Variants in TP73 observed in about 807,000 individuals in gnomAD.
The protein encoded by TP73 is tumor protein p73.
In TP73, 25 loss-of-function variants were observed where a neutral mutation model predicts 62.5. That is an observed-to-expected ratio of 0.40 (90% CI 0.29 to 0.56). The LOEUF (loss-of-function observed/expected upper bound fraction) is 0.56, where lower values mean the gene tolerates loss of function less well. Among genes scored for constraint, TP73 ranks in the 20% least tolerant of loss-of-function variants. The pLI is 0.46. For synonymous variants in TP73, 423 were observed against 377.5 expected, an observed-to-expected ratio of 1.12 and a Z score of -1.40; for missense variants, 754 against 913.3, an observed-to-expected ratio of 0.83 and a Z score of 2.25.
chr1:3,719,890 TTGTGTGTGTGTGTGTGTGTGTGTG>T (rs5772122), intron 4 of TP73, among the ~76,000 whole-genome samples: 1 of 132,146 alleles, frequency 7.6e-6, no homozygotes, highest in Non-Finnish European at 1.6e-5. Context: ...TTTTTTCTCT[TTGTGTGTGTGTGTGTGTGTGTGTG>T]TGTGTGTGTG....
At chr1:3,667,925 C>T (rs958042893) in intron 1 of TP73, among the ~76,000 whole-genome samples, 2 of 152,146 alleles carry the variant, frequency 1.3e-5, no homozygotes, top group African/African-American at 4.8e-5. Context: ...CCTTGAACTC[C>T]CCCTTCAGTG....
rs189841571 is a variant in TP73 at position 3,668,363 on chromosome 1, A to G, written c.-33-13970A>G. Among the ~76,000 whole-genome samples the G allele has an allele frequency of 4.6e-5, 7 of 152,256 alleles. No individual in the cohort carries two copies. In the South Asian group the frequency reaches 1.0e-3, roughly 23 times the overall value. On this transcript the variant is annotated intron_variant, in intron 1 of 13. Transcript: ENST00000378295. The stretch of plus-strand genomic sequence containing the variant: ...GTGCTGTCCACTCCGTGCTGCTGCA[A>G]TTGTGGGGGAGGAAGGTGGCACAGT...
rs1645043461 is a variant in TP73, at chr1:3,663,557, A to G, written c.-34+10916A>G. ...GGTGAAACCCCATCTCTACTAAAAA[A>G]TACAAAAAATTAGCCAGGCGTGGTG... On this transcript the variant is annotated intron_variant, in intron 1 of 13. Transcript: ENST00000378295. This position sits in a 1 kb window ranked among gnomAD's most constrained non-coding sequence, Gnocchi z 4.7. 6.6e-6 allele frequency among the ~76,000 whole-genome samples: 1 copy of G among 152,184 alleles called. No individual in the cohort carries two copies. Among genetic ancestry groups the G allele is most frequent in the Admixed American group, 6.5e-5 (1 of 15,282 alleles).
Position 3,652,624 on chromosome 1 carries a change from G to A in TP73, c.-51G>A, listed in dbSNP as rs1191160761. 6.6e-6 allele frequency: 1 copy of A among 152,102 alleles called. No individual in the cohort carries two copies. Among genetic ancestry groups the A allele is most frequent in the Non-Finnish European group, 1.5e-5 (1 of 68,054 alleles). 9.4% of individuals were successfully genotyped at this position (152,102 alleles called of 1,614,324 possible). The stretch of plus-strand genomic sequence containing the variant: ...CAGCCGGGACGGACGCCGATGCCCG[G>A]GGCTGCGACGGCTGCAGGTAGGAGG... On this transcript the variant is annotated 5_prime_UTR_variant, in exon 1 of 14. Coordinates refer to ENST00000378295, the MANE Select transcript of TP73 (RefSeq NM_005427.4).
At chr1:3,728,655 T>C (rs1205383366) in intron 9 of TP73, among the ~76,000 whole-genome samples, 2 of 152,218 alleles carry the variant, frequency 1.3e-5, no homozygotes, top group African/African-American at 4.8e-5. Context: ...TCTTCCATGA[T>C]GTGAACTTTC....
intron 3 of TP73, among the ~76,000 whole-genome samples, chr1:3,686,738 C>T (rs1645666428): frequency 6.6e-6 from 1 of 152,220 alleles, no homozygotes; most frequent in East Asian, 1.9e-4. Context: ...GAAAGTCCAG[C>T]AGGCCGAGGT....
At chr1:3,695,170 C>G (rs965692905) in intron 3 of TP73, among the ~76,000 whole-genome samples, 13 of 152,246 alleles carry the variant, frequency 8.5e-5, no homozygotes, top group Admixed American at 1.3e-4. Flanking sequence ...CTGCCTGTAG[C>G]AAGGAAGGAG....
rs1299648594 is a variant in TP73, at chr1:3,696,420, G to A, written c.187-11129G>A. ...TTGCTGGTGTGGGCAGGCAGGCTGTGGAGACGACCTCTAGGGAGTCCTGCA... is the reference window on the plus strand; with the variant it reads ...TTGCTGGTGTGGGCAGGCAGGCTGTAGAGACGACCTCTAGGGAGTCCTGCA... On this transcript the variant is annotated intron_variant, in intron 3 of 13. Transcript: ENST00000378295. The surrounding 1 kb of genome is among the most constrained non-coding windows in gnomAD (Gnocchi z 4.1). 6.6e-6 allele frequency among the ~76,000 whole-genome samples: 1 copy of A among 152,112 alleles called. No individual in the cohort carries two copies. The highest frequency in any genetic ancestry group is 1.9e-4 in the East Asian group (1 of 5,146).
chr1:3,704,100 G>T (rs975686302), intron 3 of TP73, among the ~76,000 whole-genome samples: 1 of 152,194 alleles, frequency 6.6e-6, no homozygotes, highest in African/African-American at 2.4e-5. Context: ...CTGCCAGCTC[G>T]CTTGTTCAGC....
rs1200328607 is a variant in TP73, at chr1:3,663,997, AC to A, written c.-34+11357del. 6.6e-6 allele frequency among the ~76,000 whole-genome samples: 1 copy of A among 152,104 alleles called. No individual in the cohort carries two copies. The highest frequency in any genetic ancestry group is 1.5e-5 in the Non-Finnish European group (1 of 68,002). On this transcript the variant is annotated intron_variant, in intron 1 of 13. Coordinates refer to ENST00000378295, the MANE Select transcript of TP73 (RefSeq NM_005427.4). The surrounding 1 kb of genome is among the most constrained non-coding windows in gnomAD (Gnocchi z 4.7). ...TGGCCGGCCCCCCTCCCTCCATGCC[AC>A]AGGCTCTCTGGAGAGGCCACTGCTG...
chr1:3,732,955 T>C lies in TP73; in HGVS notation c.1787T>C (p.Ile596Thr), dbSNP rs768799603. ...VHFRVRHTIT[I>T]PNRGGPGGGP... ...TTCCGCGTGCGCCACACCATCACCA[T>C]CCCCAACCGCGGCGGCCCAGGCGGC... The change falls in exon 14 of 14, where the codon ATC becomes ACC. Residue 596 changes from isoleucine to threonine, a missense_variant. Physicochemically the swap from Ile to Thr is moderately conservative, Grantham distance 89 (BLOSUM62 -1). This residue lies in a region of TP73 where 458 missense variants were observed against 528.7 expected (regional missense o/e 0.87). Coordinates refer to ENST00000378295, the MANE Select transcript of TP73 (RefSeq NM_005427.4). The C allele has an allele frequency of 6.2e-7, 1 of 1,607,844 alleles. No homozygotes were observed. Among genetic ancestry groups the C allele is most frequent in the East Asian group, 2.2e-5 (1 of 44,718 alleles).
intron 13 of TP73, 56 bp downstream of exon 13, chr1:3,731,612 C>A (rs994132338): frequency 6.6e-7 from 1 of 1,516,930 alleles, no homozygotes; most frequent in African/African-American, 1.4e-5. Flanking sequence ...GGCCCCTGTC[C>A]GGAGGGCAAA....
chr1:3,718,735 C>G (rs751719619), intron 4 of TP73, among the ~76,000 whole-genome samples: 41 of 152,204 alleles, frequency 2.7e-4, no homozygotes, highest in Middle Eastern at 3.2e-3. Context: ...CTCCCCTCCC[C>G]CTGAGTGTCT....
At chr1:3,695,428 G>A (rs540031073) in intron 3 of TP73, among the ~76,000 whole-genome samples, 17 of 152,348 alleles carry the variant, frequency 1.1e-4, no homozygotes, top group Admixed American at 2.6e-4. Flanking sequence ...AGCCTGTCTC[G>A]CCGCAGGGCC....
At position 3,709,253 on chromosome 1, in the gene TP73, G is replaced by T. The variant is rs116486226; in HGVS notation, c.429+1462G>T. On this transcript the variant is annotated intron_variant, in intron 4 of 13. Coordinates refer to ENST00000378295, the MANE Select transcript of TP73 (RefSeq NM_005427.4). ...GGCTCAGCCCGGACTCGCTGGGCTT[G>T]ATGGGAGGGGGCTCTGTGGGCTGTT... 5.0e-3 allele frequency among the ~76,000 whole-genome samples: 755 copies of T among 152,342 alleles called. 5 individuals carry two copies. Among genetic ancestry groups the T allele is most frequent in the African/African-American group, 0.018 (729 of 41,584 alleles).
At chr1:3,653,133 C>T (rs549005292) in intron 1 of TP73, among the ~76,000 whole-genome samples, 34 of 152,382 alleles carry the variant, frequency 2.2e-4, no homozygotes, top group Non-Finnish European at 4.0e-4. Flanking sequence ...GGCCAGGCCC[C>T]CCTCTGGACA....
In TP73 at chr1:3,707,656, C is replaced by T; in HGVS notation, c.294C>T (p.Pro98=). The T allele has an allele frequency of 1.9e-6, 3 of 1,613,206 alleles. No individual in the cohort carries two copies. The highest frequency in any genetic ancestry group is 1.1e-5 in the South Asian group (1 of 91,088). The stretch of plus-strand genomic sequence containing the variant: ...CCGCCAGCGTGCCCACCCACTCGCC[C>T]TACGCACAACCCAGCTCCACCTTCG... ...EHAASVPTHS[P]YAQPSSTFDT... Residue 98 remains proline (P), a synonymous_variant, in exon 4 of 14, where the codon CCC becomes CCT. Coordinates refer to ENST00000378295, the MANE Select transcript of TP73 (RefSeq NM_005427.4).
At chr1:3,691,645 C>A (rs1645834519) in intron 3 of TP73, among the ~76,000 whole-genome samples, 1 of 152,136 alleles carries the variant, frequency 6.6e-6, no homozygotes, top group Admixed American at 6.5e-5. Flanking sequence ...TTGCCAGGTC[C>A]CTGGGGGCCA....
intron 1 of TP73, among the ~76,000 whole-genome samples, chr1:3,654,721 G>T (rs894197911): frequency 6.6e-6 from 1 of 152,228 alleles, no homozygotes; most frequent in African/African-American, 2.4e-5. Flanking sequence ...CTTAGTATCT[G>T]GTAGGTATCT....
Sources: gnomAD v4.1 joint callset for allele counts (sites outside exome capture counted in the v4.1 genomes callset) on GRCh38, gnomAD v4.1.1 for gene constraint, gnomAD v4.1.1 regional missense constraint, Gnocchi (gnomAD v3.1) non-coding constraint, MANE v1.5 for transcripts, NCBI Gene and HGNC (gene_info 2026-07-23, HGNC 2026-07-21) for gene names.